Variants in DBT observed in about 807,000 individuals in gnomAD.
DBT encodes dihydrolipoamide branched chain transacylase E2.
A neutral mutation model predicts 51.3 loss-of-function variants in DBT; 40 were observed. The observed-to-expected ratio is 0.78, with a 90% CI of 0.61 to 1.02. The LOEUF (loss-of-function observed/expected upper bound fraction) is 1.02, where lower values mean the gene tolerates loss of function less well. Among genes scored for constraint, DBT ranks in the 50% least tolerant of loss-of-function variants. DBT has a pLI of 0.00. For synonymous variants in DBT, 181 were observed against 190.4 expected, an observed-to-expected ratio of 0.95 and a Z score of 0.41; for missense variants, 510 against 580.2, an observed-to-expected ratio of 0.88 and a Z score of 1.24.
chr1:100,213,508 C>T (rs183027545), intron 7 of DBT: 7 of 1,540,624 alleles, frequency 4.5e-6, no homozygotes, highest in Non-Finnish European at 9.0e-7. Context: ...CCAACTCTAT[C>T]GTGGTCGTGG....
chr1:100,213,295 G>A, intron 7 of DBT: 1 of 1,427,178 alleles, frequency 7.0e-7, no homozygotes, highest in African/African-American at 1.5e-5. Flanking sequence ...GGGCCGCCAT[G>A]GACCACAAGA....
chr1:100,248,336 T>C (rs530999812), intron 1 of DBT, among the ~76,000 whole-genome samples: 8 of 152,296 alleles, frequency 5.3e-5, no homozygotes, highest in Admixed American at 2.6e-4. Context: ...TGACATCTAA[T>C]TGGGGATGCT....
At chr1:100,243,121 C>T (rs1664318007) in intron 1 of DBT, among the ~76,000 whole-genome samples, 1 of 151,526 alleles carries the variant, frequency 6.6e-6, no homozygotes, top group African/African-American at 2.4e-5. Flanking sequence ...CAAAAATCAG[C>T]TGGACATGGT....
chr1:100,196,434 A>AAT lies in DBT; in HGVS notation c.1282-13_1282-12insAT. On this transcript the variant is annotated splice_polypyrimidine_tract_variant and intron_variant, in intron 10 of 10. Transcript: ENST00000370132. Reference sequence around the variant, plus strand: ...AATCGGGGAATGGCCTAGAAATGAAAAAAAAAAAAAAAAAAAAAAAAAAAA... The same window carrying AAT: ...AATCGGGGAATGGCCTAGAAATGAAAATAAAAAAAAAAAAAAAAAAAAAAAAA... 9.9e-6 allele frequency: 1 copy of AAT among 101,142 alleles called. No individual in the cohort carries two copies. The highest frequency in any genetic ancestry group is 2.1e-5 in the Non-Finnish European group (1 of 48,224). 6.3% of individuals were successfully genotyped at this position (101,142 alleles called of 1,614,324 possible). A position where few individuals can be genotyped will look rare whatever the true frequency, so the allele number is the denominator to read the frequency against.
rs1477621449 is a variant in DBT at position 100,188,881 on chromosome 1, T to C, written c.*7374A>G. The C allele has an allele frequency of 6.6e-6, 1 of 152,304 alleles. No individual in the cohort carries two copies. The highest frequency in any genetic ancestry group is 1.9e-4 in the East Asian group (1 of 5,198). The allele number at this position is 152,304 out of a possible 1,614,324, so 9.4% of individuals were successfully genotyped here. ...TTTAGCAAGCTGGCCTGGAGTTCTC[T>C]CACACGGTCTGGCTAGCACAGTAAT... is the stretch of plus-strand genomic sequence containing the variant. On this transcript the variant is annotated 3_prime_UTR_variant, in exon 11 of 11. Transcript: ENST00000370132.
rs1660967688 is a variant in DBT, at chr1:100,194,317, AC to A, written c.*1937del. The A allele has an allele frequency of 6.7e-6, 1 of 150,168 alleles. No homozygotes were observed. The highest frequency in any genetic ancestry group is 1.5e-5 in the Non-Finnish European group (1 of 67,764). 9.3% of individuals were successfully genotyped at this position (150,168 alleles called of 1,614,324 possible). ...TGAGTAGCTGGGACTATAGGTGCAC[AC>A]CACCACACTTGGCTTTTTGGTTTTT... On this transcript the variant is annotated 3_prime_UTR_variant, in exon 11 of 11. Transcript: ENST00000370132.
intron 1 of DBT, among the ~76,000 whole-genome samples, chr1:100,248,517 A>T (rs977892018): frequency 1.3e-5 from 2 of 152,218 alleles, no homozygotes; most frequent in African/African-American, 2.4e-5. Flanking sequence ...ATAGATGGTA[A>T]CTAAAGCCAA....
rs2100804431 is a variant in DBT, at chr1:100,218,698, A to G, written c.483T>C (p.His161=). The G allele has an allele frequency of 6.2e-7, 1 of 1,613,930 alleles. No individual in the cohort carries two copies. Among genetic ancestry groups the G allele is most frequent in the South Asian group, 1.1e-5 (1 of 91,080 alleles). Residue 161 remains histidine, a synonymous_variant, in exon 5 of 11, where the codon CAT becomes CAC. Transcript: ENST00000370132. ...TTCGGCCCTTTATCTCTTGGTGTGTATGTTCATCATGAGACACTGCAGGAG... is the reference window on the plus strand; with the variant it reads ...TTCGGCCCTTTATCTCTTGGTGTGTGTGTTCATCATGAGACACTGCAGGAG... The part of the protein sequence containing the change: ...VETPAVSHDE[H]THQEIKGRKT...
At position 100,230,788 on chromosome 1, in the gene DBT, G is replaced by A. The variant is rs1410915223; in HGVS notation, c.378C>T (p.Asp126=). ...ATGGCTTCCCCACATAGGCAATATC[G>A]TCTAGATTATAATAGAGTTTTTTAA... The part of the protein sequence containing the change: ...GVIKKLYYNL[D]DIAYVGKPLV... Residue 126 remains aspartate, a synonymous_variant, in exon 4 of 11, where the codon GAC becomes GAT. Transcript: ENST00000370132. 9.3e-6 allele frequency: 15 copies of A among 1,610,932 alleles called. No individual in the cohort carries two copies. The highest frequency in any genetic ancestry group is 1.7e-5 in the Admixed American group (1 of 59,956).
intron 4 of DBT, among the ~76,000 whole-genome samples, chr1:100,227,471 G>T (rs1193688265): frequency 6.6e-6 from 1 of 152,164 alleles, no homozygotes; most frequent in Non-Finnish European, 1.5e-5. Context: ...ACAGAAGAAT[G>T]CCAGCTAATA....
intron 1 of DBT, among the ~76,000 whole-genome samples, chr1:100,243,954 A>G (rs1051401190): frequency 1.3e-5 from 2 of 148,234 alleles, no homozygotes; most frequent in East Asian, 4.0e-4. Flanking sequence ...AAAAAAAAAA[A>G]GAGACATAGG....
chr1:100,194,275 C>T lies in DBT; in HGVS notation c.*1980G>A, dbSNP rs539238003. 6.6e-5 allele frequency: 10 copies of T among 152,152 alleles called. No homozygotes were observed. The highest frequency in any genetic ancestry group is 2.4e-4 in the African/African-American group (10 of 41,498). The allele number at this position is 152,152 out of a possible 1,614,324, so 9.4% of individuals were successfully genotyped here. A position where few individuals can be genotyped will look rare whatever the true frequency, so the allele number is the denominator to read the frequency against. ...TTTGAACTCCTGGGCTCAATTGATCCTCTTGTCTCAGCTTCCTGAGTAGCT... is the reference window on the plus strand; with the variant it reads ...TTTGAACTCCTGGGCTCAATTGATCTTCTTGTCTCAGCTTCCTGAGTAGCT... On this transcript the variant is annotated 3_prime_UTR_variant, in exon 11 of 11. Transcript: ENST00000370132.
At chr1:100,204,490 G>A (rs1457346740) in intron 10 of DBT, among the ~76,000 whole-genome samples, 1 of 152,164 alleles carries the variant, frequency 6.6e-6, no homozygotes, top group African/African-American at 2.4e-5. Context: ...CATGCTCATG[G>A]ATAGGAAGAA....
chr1:100,217,704 C>T (rs1662578059), intron 5 of DBT, among the ~76,000 whole-genome samples: 1 of 152,154 alleles, frequency 6.6e-6, no homozygotes, highest in African/African-American at 2.4e-5. Context: ...GGTTTCAGAA[C>T]CAGACAGATT....
chr1:100,240,202 A>G (rs1664129748), intron 2 of DBT, among the ~76,000 whole-genome samples: 1 of 152,226 alleles, frequency 6.6e-6, no homozygotes, highest in Non-Finnish European at 1.5e-5. Context: ...TTGACAGATT[A>G]AGTGCTTCTT....
intron 10 of DBT, among the ~76,000 whole-genome samples, chr1:100,198,522 T>C (rs952381858): frequency 3.9e-5 from 6 of 152,226 alleles, no homozygotes; most frequent in Admixed American, 6.5e-5. Context: ...TATATACATA[T>C]ACACATATAA....
intron 8 of DBT, among the ~76,000 whole-genome samples, chr1:100,208,482 G>A (rs1661930895): frequency 6.6e-6 from 1 of 152,214 alleles, no homozygotes; most frequent in Non-Finnish European, 1.5e-5. Context: ...ACACAGGGAT[G>A]TTGAGTACAC....
chr1:100,228,456 C>T (rs889870977), intron 4 of DBT, among the ~76,000 whole-genome samples: 1 of 152,106 alleles, frequency 6.6e-6, no homozygotes, highest in Non-Finnish European at 1.5e-5. Flanking sequence ...TATGGTCTGT[C>T]GATCATATAA....
At chr1:100,204,628 A>G (rs1661654618) in intron 10 of DBT, among the ~76,000 whole-genome samples, 1 of 152,200 alleles carries the variant, frequency 6.6e-6, no homozygotes. Context: ...GGAACCAAAA[A>G]AAAAGCCCAC....
Sources: gnomAD v4.1 joint callset for allele counts (sites outside exome capture counted in the v4.1 genomes callset) on GRCh38, gnomAD v4.1.1 for gene constraint, MANE v1.5 for transcripts, NCBI Gene and HGNC (gene_info 2026-07-23, HGNC 2026-07-21) for gene names.